The following PSD2 variants were observed in gnomAD, a reference collection of about 807,000 sequenced individuals.
PSD2 encodes pleckstrin and Sec7 domain containing 2, also known as PH and SEC7 domain-containing protein 2.
Under a neutral mutation model 69.8 loss-of-function variants are expected in PSD2, and 38 were observed. That is an observed-to-expected ratio of 0.54 (90% CI 0.42 to 0.71). The LOEUF (loss-of-function observed/expected upper bound fraction) is 0.71. PSD2 is among the 30% of genes least tolerant of loss of function. The pLI, the probability that PSD2 is intolerant of heterozygous loss-of-function variation, is 0.00. For synonymous variants in PSD2, 412 were observed against 423.0 expected, an observed-to-expected ratio of 0.97 and a Z score of 0.32; for missense variants, 943 against 1,014.5, an observed-to-expected ratio of 0.93 and a Z score of 0.96.
chr5:139,805,186 C>G (rs1581712028), intron 1 of PSD2, among the ~76,000 whole-genome samples: 1 of 152,216 alleles, frequency 6.6e-6, no homozygotes, highest in East Asian at 1.9e-4. Context: ...ATGCTGGCCT[C>G]TGGAGCCCTC....
chr5:139,836,738 G>A (rs1760728436), intron 9 of PSD2, 73 bp from the exon 10 acceptor site: 9 of 1,372,134 alleles, frequency 6.6e-6, no homozygotes, highest in Non-Finnish European at 9.2e-6. Flanking sequence ...AGAGGAGGCT[G>A]GTGGGGAAAG....
chr5:139,744,280 G>A, the PSD2 span, among the ~76,000 whole-genome samples: 6 of 152,176 alleles, frequency 3.9e-5, no homozygotes, highest in Admixed American at 6.5e-5. Flanking sequence ...CATTCTGGGA[G>A]GCTCGGCCTC....
the PSD2 span, among the ~76,000 whole-genome samples, chr5:139,764,128 A>G: frequency 4.6e-5 from 7 of 152,198 alleles, no homozygotes; most frequent in Non-Finnish European, 1.0e-4. Context: ...AGGGCTGAGC[A>G]CACAGTCAGC....
chr5:139,743,915 G>T, the PSD2 span: 1 of 152,270 alleles, frequency 6.6e-6, no homozygotes, highest in Admixed American at 6.5e-5. Flanking sequence ...CAGAGCTAGG[G>T]CTGCTGGAGC....
intron 7 of PSD2, among the ~76,000 whole-genome samples, chr5:139,828,254 G>T (rs1489539050): frequency 6.6e-6 from 1 of 152,150 alleles, no homozygotes; most frequent in Non-Finnish European, 1.5e-5. Flanking sequence ...GGTAAGCGGG[G>T]GAGAACCACC....
the PSD2 span, among the ~76,000 whole-genome samples, chr5:139,767,094 A>G: frequency 2.7e-5 from 4 of 149,052 alleles, no homozygotes; most frequent in Admixed American, 2.0e-4. Context: ...CCAGGTTCAC[A>G]CCATTCTACT....
At chr5:139,776,174 C>A in the PSD2 span, among the ~76,000 whole-genome samples, 1 of 152,240 alleles carries the variant, frequency 6.6e-6, no homozygotes, top group East Asian at 1.9e-4. Flanking sequence ...GGAGGGGTAT[C>A]CAGGGAGCCT....
the PSD2 span, among the ~76,000 whole-genome samples, chr5:139,782,655 G>T: frequency 1.3e-5 from 2 of 151,974 alleles, no homozygotes; most frequent in Non-Finnish European, 2.9e-5. Context: ...ACTACGCCCG[G>T]CTCATTTTTT....
chr5:139,752,801 G>A, the PSD2 span, among the ~76,000 whole-genome samples: 1 of 152,142 alleles, frequency 6.6e-6, no homozygotes, highest in African/African-American at 2.4e-5. Flanking sequence ...CGCCAAGCGC[G>A]GAGCTTTCTG....
the PSD2 span, among the ~76,000 whole-genome samples, chr5:139,753,373 C>G: frequency 6.6e-6 from 1 of 152,182 alleles, no homozygotes; most frequent in Non-Finnish European, 1.5e-5. Flanking sequence ...TTTTGGGTAA[C>G]TGAGCTGTGA....
the PSD2 span, among the ~76,000 whole-genome samples, chr5:139,771,749 C>T: frequency 1.3e-5 from 2 of 152,154 alleles, no homozygotes; most frequent in African/African-American, 4.8e-5. Context: ...CTGGCTCTCT[C>T]CCTGGTGTGC....
the PSD2 span, among the ~76,000 whole-genome samples, chr5:139,752,400 G>A: frequency 6.6e-6 from 1 of 152,098 alleles, no homozygotes; most frequent in East Asian, 1.9e-4. Context: ...GTGCACACAG[G>A]CAAGGAGACA....
intron 7 of PSD2, among the ~76,000 whole-genome samples, chr5:139,825,175 G>C (rs1361582661): frequency 1.3e-5 from 2 of 152,212 alleles, no homozygotes; most frequent in East Asian, 3.8e-4. Flanking sequence ...CTCCATGAAG[G>C]GCACACACAG....
the PSD2 span, among the ~76,000 whole-genome samples, chr5:139,765,665 G>A: frequency 5.9e-5 from 9 of 152,368 alleles, no homozygotes; most frequent in Non-Finnish European, 1.3e-4. Flanking sequence ...GCAGGAGACC[G>A]AAGCGCGGGG....
chr5:139,750,325 AAAAACAAAAAAAC>A, the PSD2 span, among the ~76,000 whole-genome samples: 9 of 152,126 alleles, frequency 5.9e-5, no homozygotes, highest in African/African-American at 1.4e-4. Context: ...ACTCCATCTC[AAAAACAAAAAAAC>A]AAAACAAAAA....
chr5:139,796,096 A>C (rs901493417), intron 1 of PSD2, 121 bp downstream of exon 1: 3 of 151,650 alleles, frequency 2.0e-5, no homozygotes, highest in African/African-American at 7.3e-5. Context: ...CTCGGTGCCC[A>C]CCCGGGTCCG....
rs558677471 is a variant in PSD2, at chr5:139,801,718, G to A, written c.-51+5743G>A. Among the ~76,000 whole-genome samples the A allele has an allele frequency of 9.2e-5, 14 of 152,240 alleles. No homozygotes were observed. In the South Asian group the frequency reaches 2.9e-3, roughly 32 times the overall value. Reference sequence around the variant, plus strand: ...TCACCCGACTCCAGTAGCCTACACAGCATCTCAACTTTCATCTCAACTTTC... The same window carrying A: ...TCACCCGACTCCAGTAGCCTACACAACATCTCAACTTTCATCTCAACTTTC... On this transcript the variant is annotated intron_variant, in intron 1 of 14. Coordinates refer to ENST00000274710, the MANE Select transcript of PSD2 (RefSeq NM_032289.4).
chr5:139,799,751 G>T (rs1417644652), intron 1 of PSD2, among the ~76,000 whole-genome samples: 1 of 152,050 alleles, frequency 6.6e-6, no homozygotes, highest in Non-Finnish European at 1.5e-5. Flanking sequence ...TGGTTTGGGG[G>T]CCCTGCTGGG....
chr5:139,773,698 G>A, the PSD2 span, among the ~76,000 whole-genome samples: 1 of 152,132 alleles, frequency 6.6e-6, no homozygotes, highest in Non-Finnish European at 1.5e-5. Context: ...TCCACTGTGT[G>A]GATAGACCAC....
Sources: gnomAD v4.1 joint callset for allele counts (sites outside exome capture counted in the v4.1 genomes callset) on GRCh38, gnomAD v4.1.1 for gene constraint, MANE v1.5 for transcripts, NCBI Gene and HGNC (gene_info 2026-07-23, HGNC 2026-07-21) for gene names.